The following FHAD1 variants were observed in gnomAD, a reference collection of about 807,000 sequenced individuals.
FHAD1 encodes forkhead associated phosphopeptide binding domain 1.
FHAD1 carries 146 observed loss-of-function variants against 191.3 expected under a neutral mutation model. That is an observed-to-expected ratio of 0.76 (90% CI 0.67 to 0.88). The LOEUF is 0.88. Among genes scored for constraint, FHAD1 ranks in the 40% least tolerant of loss-of-function variants. The pLI is 0.00. For missense variants in FHAD1, 1,635 were observed against 1,785.8 expected (o/e 0.92, Z 1.52); for synonymous variants, 616 against 672.3 (o/e 0.92, Z 1.29).
At chr1:15,336,851 AC>A (rs1486855000) in intron 14 of FHAD1, among the ~76,000 whole-genome samples, 5 of 151,614 alleles carry the variant, frequency 3.3e-5, no homozygotes, top group African/African-American at 9.7e-5. Flanking sequence ...CTTTTTTGAA[AC>A]CCTTTAGGCG....
chr1:15,314,832 A>G (rs866154334), intron 8 of FHAD1, among the ~76,000 whole-genome samples: 1 of 54,710 alleles, frequency 1.8e-5, no homozygotes, highest in African/African-American at 7.1e-5. Flanking sequence ...GGATGTGTGT[A>G]GGTGAGTGGG....
intron 11 of FHAD1, 156 bp from the exon 12 acceptor site, chr1:15,326,903 C>A (rs1334430971): frequency 3.4e-6 from 2 of 591,188 alleles, no homozygotes; most frequent in Non-Finnish European, 6.2e-6. Flanking sequence ...GGTCCCGCCA[C>A]TCCCCGTGAG....
At position 15,271,138 on chromosome 1, in the gene FHAD1, C is replaced by CA. The variant is rs201291335; in HGVS notation, c.94-1185_94-1184insA. 0.016 allele frequency among the ~76,000 whole-genome samples: 1,059 copies of CA among 67,536 alleles called. 102 individuals are homozygous for CA. In the East Asian group the frequency reaches 0.19, roughly 12 times the overall value. 44.3% of individuals were successfully genotyped at this position (67,536 alleles called of 152,430 possible). On this transcript the variant is annotated intron_variant, in intron 2 of 33. Transcript: ENST00000688493. ...TGGGCAACAGAGCGAGACTCCATCT[C>CA]GGAAAAAAAAAAAAAAAAAAAAAAA...
chr1:15,343,290 CAGCCACGGTTGCG>C (rs1241059071), intron 16 of FHAD1, among the ~76,000 whole-genome samples: 1 of 152,116 alleles, frequency 6.6e-6, no homozygotes, highest in African/African-American at 2.4e-5. Context: ...TCGCAAAGTG[CAGCCACGGTTGCG>C]AGCCACTGTT....
At chr1:15,392,825 T>C (rs1055588752) in intron 33 of FHAD1, among the ~76,000 whole-genome samples, 1 of 152,190 alleles carries the variant, frequency 6.6e-6, no homozygotes, top group African/African-American at 2.4e-5. Flanking sequence ...CAGTCTTTTG[T>C]TCGTGGGCTA....
intron 23 of FHAD1, 138 bp from the exon 24 acceptor site, chr1:15,365,689 C>A: frequency 1.1e-5 from 6 of 548,782 alleles, no homozygotes; most frequent in East Asian, 3.1e-5. Flanking sequence ...TGAAGACTGT[C>A]CTCATCCTTT....
At chr1:15,260,526 C>T (rs1260149917) in intron 2 of FHAD1, among the ~76,000 whole-genome samples, 2 of 152,174 alleles carry the variant, frequency 1.3e-5, no homozygotes, top group African/African-American at 4.8e-5. Flanking sequence ...CTGGAGGCTC[C>T]AGGGAATCGT....
At chr1:15,372,502 C>G (rs1435902444) in intron 26 of FHAD1, among the ~76,000 whole-genome samples, 1 of 152,006 alleles carries the variant, frequency 6.6e-6, no homozygotes, top group Non-Finnish European at 1.5e-5. Context: ...CCTGTCTGCC[C>G]CATAGAAAAT....
intron 20 of FHAD1, among the ~76,000 whole-genome samples, chr1:15,356,461 T>C (rs1692832267): frequency 6.6e-6 from 1 of 152,228 alleles, no homozygotes; most frequent in African/African-American, 2.4e-5. Flanking sequence ...TGGCCAGGGC[T>C]TTCCCACTCA....
At chr1:15,270,229 C>A (rs1449377257) in intron 2 of FHAD1, among the ~76,000 whole-genome samples, 6 of 152,098 alleles carry the variant, frequency 3.9e-5, no homozygotes, top group Admixed American at 6.5e-5. Flanking sequence ...CTCTTTATCC[C>A]CAGTTTTTCT....
intron 2 of FHAD1, among the ~76,000 whole-genome samples, chr1:15,262,828 G>A (rs1017608218): frequency 6.6e-6 from 1 of 152,202 alleles, no homozygotes; most frequent in African/African-American, 2.4e-5. Flanking sequence ...ATACCCAGAA[G>A]TGGCATTGCC....
chr1:15,348,026 C>T (rs1472124639), intron 18 of FHAD1, among the ~76,000 whole-genome samples: 1 of 152,156 alleles, frequency 6.6e-6, no homozygotes, highest in Non-Finnish European at 1.5e-5. Context: ...AACCCTAAGT[C>T]CCTAGGAAGT....
upstream of FHAD1, among the ~76,000 whole-genome samples, chr1:15,245,302 A>C (rs1240421028): frequency 2.6e-5 from 4 of 151,534 alleles, no homozygotes; most frequent in East Asian, 7.8e-4. Context: ...TTTTGTTTGG[A>C]TGTGCTTTTG....
exon 1 of FHAD1, among the ~76,000 whole-genome samples, chr1:15,236,550 T>C (rs181292108): frequency 4.2e-4 from 64 of 152,302 alleles, no homozygotes; most frequent in Non-Finnish European, 6.6e-4. Context: ...CCATGAGGCC[T>C]TTGGGAGAAT....
intron 3 of FHAD1, among the ~76,000 whole-genome samples, chr1:15,283,886 C>A (rs1185224130): frequency 1.3e-5 from 2 of 152,192 alleles, no homozygotes; most frequent in African/African-American, 4.8e-5. Flanking sequence ...TCTTCATTAG[C>A]CAATCATCTA....
intron 10 of FHAD1, among the ~76,000 whole-genome samples, chr1:15,321,815 G>C (rs1255996943): frequency 6.6e-6 from 1 of 152,218 alleles, no homozygotes; most frequent in Admixed American, 6.5e-5. Context: ...GCATGCATGT[G>C]TGTGCATGTG....
intron 2 of FHAD1, among the ~76,000 whole-genome samples, chr1:15,258,364 G>A (rs1451367181): frequency 1.3e-5 from 2 of 152,104 alleles, no homozygotes; most frequent in Non-Finnish European, 2.9e-5. Context: ...CGTGTCTTTT[G>A]TGACTGGCTT....
Position 15,336,686 on chromosome 1 carries a change from A to G in FHAD1, c.1907-2795A>G, listed in dbSNP as rs565464878. On this transcript the variant is annotated intron_variant, in intron 14 of 33. Coordinates refer to ENST00000688493, the MANE Select transcript of FHAD1 (RefSeq NM_001391957.1). ...TTCAATTGCTCTTACTCCTGTCTTCACCTGTGATCTTTAAGAAGCGTGTTG... is the reference window on the plus strand; with the variant it reads ...TTCAATTGCTCTTACTCCTGTCTTCGCCTGTGATCTTTAAGAAGCGTGTTG... 2.6e-5 allele frequency among the ~76,000 whole-genome samples: 4 copies of G among 151,934 alleles called. No individual in the cohort carries two copies. In the South Asian group the frequency reaches 6.2e-4, roughly 24 times the overall value.
chr1:15,390,344 CAAAAA>C (rs59353142), intron 32 of FHAD1, among the ~76,000 whole-genome samples: 2 of 69,228 alleles, frequency 2.9e-5, no homozygotes, highest in African/African-American at 5.6e-5. Flanking sequence ...GACTCTGTCT[CAAAAA>C]AAAAAAAAAA....
Sources: allele counts gnomAD v4.1 joint callset (sites outside exome capture counted in the v4.1 genomes callset), GRCh38; gene constraint gnomAD v4.1.1; transcripts MANE v1.5; gene names NCBI Gene and HGNC (gene_info 2026-07-23, HGNC 2026-07-21).